CDK17: variants seen among roughly 807,000 people sequenced by gnomAD.
CDK17 encodes cyclin-dependent kinase 17.
A neutral mutation model predicts 77.6 loss-of-function variants in CDK17; 24 were observed. The observed-to-expected ratio is 0.31, with a 90% CI of 0.22 to 0.44. The LOEUF is 0.44. CDK17 is among the 20% of genes least tolerant of loss of function. The pLI is 1.00. For synonymous variants in CDK17, 203 were observed against 210.4 expected, an observed-to-expected ratio of 0.96 and a Z score of 0.30; for missense variants, 429 against 622.5, an observed-to-expected ratio of 0.69 and a Z score of 3.31.
intron 2 of CDK17, among the ~76,000 whole-genome samples, chr12:96,328,233 C>A (rs1952916236): frequency 6.6e-6 from 1 of 152,100 alleles, no homozygotes; most frequent in Non-Finnish European, 1.5e-5. Context: ...CCATCACCTT[C>A]AGATGGGACC....
intron 1 of CDK17, among the ~76,000 whole-genome samples, chr12:96,340,898 AC>A (rs960119193): frequency 6.6e-6 from 1 of 152,050 alleles, no homozygotes; most frequent in Non-Finnish European, 1.5e-5. Flanking sequence ...ATAGAGGTAA[AC>A]TGCATATATG....
chr12:96,287,895 C>T lies in CDK17; in HGVS notation c.1119-1134G>A, dbSNP rs772879741. Among the ~76,000 whole-genome samples the T allele has an allele frequency of 3.3e-5, 5 of 152,024 alleles. No homozygotes were observed. In the South Asian group the frequency reaches 1.0e-3, roughly 32 times the overall value. On this transcript the variant is annotated intron_variant, in intron 11 of 16. Transcript: ENST00000261211. ...TGAATGAACCTTAAAGACATTATGC[C>T]AAATGAAGTAAGCCAGTCATGAAAA...
intron 3 of CDK17, among the ~76,000 whole-genome samples, chr12:96,318,496 A>T (rs1370179101): frequency 7.3e-6 from 1 of 137,878 alleles, no homozygotes; most frequent in Non-Finnish European, 1.6e-5. Context: ...CAGAATATAC[A>T]TTTTTTTCAG....
chr12:96,307,888 C>T (rs1952597057), intron 5 of CDK17, among the ~76,000 whole-genome samples: 1 of 152,076 alleles, frequency 6.6e-6, no homozygotes, highest in African/African-American at 2.4e-5. Flanking sequence ...GACACACACA[C>T]ACACAAAAAA....
chr12:96,298,538 T>C (rs1952445545), intron 7 of CDK17, among the ~76,000 whole-genome samples: 1 of 152,202 alleles, frequency 6.6e-6, no homozygotes, highest in Non-Finnish European at 1.5e-5. Context: ...AATGGTACTA[T>C]GATATAAATA....
intron 2 of CDK17, among the ~76,000 whole-genome samples, chr12:96,324,574 C>T (rs892541338): frequency 1.3e-5 from 2 of 152,044 alleles, no homozygotes; most frequent in Non-Finnish European, 2.9e-5. Context: ...TGAGACCAGT[C>T]TGATCAATAT....
At chr12:96,316,615 G>C (rs111557868) in intron 3 of CDK17, among the ~76,000 whole-genome samples, 14 of 136,150 alleles carry the variant, frequency 1.0e-4, no homozygotes, top group Non-Finnish European at 1.4e-4. Context: ...ATCTGAGAAC[G>C]GGCAGACTGC....
chr12:96,374,003 T>C (rs1055694561), intron 1 of CDK17, among the ~76,000 whole-genome samples: 7 of 152,164 alleles, frequency 4.6e-5, no homozygotes, highest in Admixed American at 6.5e-5. Context: ...TCAGAATGCA[T>C]GTATTGTACC....
chr12:96,366,391 T>G (rs895444115), intron 1 of CDK17, among the ~76,000 whole-genome samples: 13 of 152,212 alleles, frequency 8.5e-5, no homozygotes, highest in Admixed American at 8.5e-4. Context: ...AATATCCATC[T>G]GAAAACCACT....
In CDK17 at chr12:96,334,795, T is replaced by C. The variant is rs767822194; in HGVS notation, c.42A>G (p.Gly14=). Residue 14 remains glycine, a synonymous_variant, in exon 2 of 17, where the codon GGA becomes GGG. Transcript: ENST00000261211. ...FKRRLSLTLR[G]SQTIDESLSE... is the part of the protein sequence containing the mutation. ...ACAATGATTCATCAATAGTCTGACT[T>C]CCTCGGAGTGTGAGGGATAGCCTTC... 6.2e-7 allele frequency: 1 copy of C among 1,611,644 alleles called. No individual in the cohort carries two copies. Among genetic ancestry groups the C allele is most frequent in the Admixed American group, 1.7e-5 (1 of 59,964 alleles).
intron 1 of CDK17, among the ~76,000 whole-genome samples, chr12:96,363,890 C>G (rs2137194133): frequency 6.6e-6 from 1 of 152,302 alleles, no homozygotes; most frequent in Non-Finnish European, 1.5e-5. Flanking sequence ...GAACTTTACA[C>G]ATCTCAAAAT....
intron 1 of CDK17, chr12:96,399,394 C>G (rs929579421): frequency 3.3e-5 from 5 of 152,674 alleles, no homozygotes; most frequent in Non-Finnish European, 7.3e-5. Flanking sequence ...CAGGAGGCTG[C>G]CCTGATCTTT....
chr12:96,387,303 G>A (rs1953992326), intron 1 of CDK17: 1 of 168,208 alleles, frequency 5.9e-6, no homozygotes. Context: ...TGTATGAGTG[G>A]TTCCTTCCCT....
intron 4 of CDK17, 101 bp downstream of exon 4, chr12:96,313,220 G>T: frequency 1.1e-6 from 1 of 888,372 alleles, no homozygotes; most frequent in East Asian, 3.0e-5. Context: ...GTGTCTTCAT[G>T]AAAATTTTTA....
chr12:96,312,815 G>C (rs964957566), intron 4 of CDK17, among the ~76,000 whole-genome samples: 1 of 152,070 alleles, frequency 6.6e-6, no homozygotes, highest in Non-Finnish European at 1.5e-5. Flanking sequence ...ATGTGCTTCA[G>C]AGATCAGTAG....
At chr12:96,305,715 T>C (rs1464676720) in intron 5 of CDK17, among the ~76,000 whole-genome samples, 1 of 152,000 alleles carries the variant, frequency 6.6e-6, no homozygotes, top group Non-Finnish European at 1.5e-5. Flanking sequence ...TTTCGGTTAA[T>C]GGCCACCCCC....
chr12:96,343,123 C>T (rs772079114), intron 1 of CDK17, among the ~76,000 whole-genome samples: 1 of 152,204 alleles, frequency 6.6e-6, no homozygotes, highest in Non-Finnish European at 1.5e-5. Context: ...TTTATTATGA[C>T]ACTTGAGGTG....
At chr12:96,283,915 T>A (rs1486214547) in intron 13 of CDK17, among the ~76,000 whole-genome samples, 2 of 152,192 alleles carry the variant, frequency 1.3e-5, no homozygotes, top group Admixed American at 6.5e-5. Context: ...CCATGCTGTC[T>A]CAAAACAAAG....
rs745421311 is a variant in CDK17, at chr12:96,286,025, C to T, written c.1322+18G>A. On this transcript the variant is annotated intron_variant, in intron 13 of 16. Transcript: ENST00000261211. ...GAATCATGTGTTTTCCCCCCTTTCA[C>T]ATAAGAAAAAAAAATACCTGGGTGC... The T allele has an allele frequency of 4.8e-5, 62 of 1,287,190 alleles. No individual in the cohort carries two copies. Among genetic ancestry groups the T allele is most frequent in the Non-Finnish European group, 6.7e-5 (60 of 894,412 alleles). The allele number at this position is 1,287,190 out of a possible 1,614,324, so 79.7% of individuals were successfully genotyped here.
Sources: allele counts gnomAD v4.1 joint callset (sites outside exome capture counted in the v4.1 genomes callset), GRCh38; gene constraint gnomAD v4.1.1; transcripts MANE v1.5; gene names NCBI Gene and HGNC (gene_info 2026-07-23, HGNC 2026-07-21).